CHD1: variants seen among roughly 807,000 people sequenced by gnomAD.
CHD1 encodes ATP-dependent chromatin remodeler CHD1.
A neutral mutation model predicts 224.2 loss-of-function variants in CHD1; 36 were observed. That is an observed-to-expected ratio of 0.16 (90% CI 0.12 to 0.21). The LOEUF is 0.21. Among genes scored for constraint, CHD1 ranks in the 10% least tolerant of loss-of-function variants. The pLI is 1.00. For missense variants in CHD1, 1,378 were observed against 1,994.8 expected (o/e 0.69, Z 5.89); for synonymous variants, 668 against 658.3 (o/e 1.01, Z -0.23).
At chr5:98,874,583 G>T (rs375742472) in intron 25 of CHD1, among the ~76,000 whole-genome samples, 1 of 149,844 alleles carries the variant, frequency 6.7e-6, no homozygotes, top group Non-Finnish European at 1.5e-5. Flanking sequence ...GTGGTGGCAT[G>T]CGCCTGTAGT....
intron 15 of CHD1, among the ~76,000 whole-genome samples, chr5:98,892,258 C>T (rs1751070405): frequency 6.6e-6 from 1 of 152,104 alleles, no homozygotes; most frequent in Non-Finnish European, 1.5e-5. Context: ...CACTTAAACT[C>T]TTTATAAGAT....
rs575119258 is a variant in CHD1, at chr5:98,908,823, T to A, written c.54-3725A>T. 6.0e-4 allele frequency among the ~76,000 whole-genome samples: 84 copies of A among 140,136 alleles called. 1 individual carries two copies. Among genetic ancestry groups the A allele is most frequent in the South Asian group, 1.8e-3 (8 of 4,352 alleles). 91.9% of individuals were successfully genotyped at this position (140,136 alleles called of 152,430 possible). A position where few individuals can be genotyped will look rare whatever the true frequency, so the allele number is the denominator to read the frequency against. Reference sequence around the variant, plus strand: ...CGGAATAAATAAATAAATAAACCCATTGAATTCTTTTCCTCAATTCACGAA... The same window carrying A: ...CGGAATAAATAAATAAATAAACCCAATGAATTCTTTTCCTCAATTCACGAA... On this transcript the variant is annotated intron_variant, in intron 2 of 35. Coordinates refer to ENST00000614616, the MANE Select transcript of CHD1 (RefSeq NM_001270.4).
At chr5:98,893,389 A>G (rs1174123380) in intron 14 of CHD1, 27 bp downstream of exon 14, 1 of 1,504,308 alleles carries the variant, frequency 6.6e-7, no homozygotes, top group South Asian at 1.2e-5. Flanking sequence ...TCCACACAAT[A>G]TGATTAAAAT....
Position 98,898,302 on chromosome 5 carries a change from T to C in CHD1, c.1319A>G (p.Tyr440Cys), listed in dbSNP as rs1481522583. ...SKKFQACIDE[Y>C]FSRNQSKTTP... ...GGTTTTTGATTGGTTCCTGCTAAAA[T>C]ACTCATCAATGCATGCTTGAAACTT... is the stretch of plus-strand genomic sequence containing the variant. Residue 440 changes from tyrosine (Y) to cysteine (C), a missense_variant, in exon 10 of 36, where the codon TAT (tyrosine) becomes TGT (cysteine). Around this residue, in one of 16 missense-constraint regions of CHD1, gnomAD observed 86 missense variants for 97.7 expected, o/e 0.88. Transcript: ENST00000614616. The C allele has an allele frequency of 1.3e-6, 2 of 1,585,372 alleles. No homozygotes were observed. The highest frequency in any genetic ancestry group is 1.7e-6 in the Non-Finnish European group (2 of 1,166,822).
Position 98,879,950 on chromosome 5 carries a change from T to G in CHD1, c.3061-222A>C, listed in dbSNP as rs568705509. Among the ~76,000 whole-genome samples the G allele has an allele frequency of 3.9e-5, 6 of 152,336 alleles. No individual in the cohort carries two copies. In the South Asian group the frequency reaches 1.0e-3, roughly 26 times the overall value. The stretch of plus-strand genomic sequence containing the variant: ...CTCTAGGAATGATTTTATTTTGCCC[T>G]ACTGCTCAACAAAATTAGTAGCATC... On this transcript the variant is annotated intron_variant, in intron 22 of 35. Transcript: ENST00000614616.
Position 98,903,798 on chromosome 5 carries a change from T to G in CHD1, c.366A>C (p.Ser122=), listed in dbSNP as rs1015948367. The G allele has an allele frequency of 6.2e-7, 1 of 1,610,230 alleles. No homozygotes were observed. The highest frequency in any genetic ancestry group is 1.3e-5 in the African/African-American group (1 of 74,956). Residue 122 remains serine (S), a synonymous_variant, in exon 4 of 36, where the codon TCA becomes TCC. Transcript: ENST00000614616. The stretch of plus-strand genomic sequence containing the variant: ...GCTCATGATGAAAATGCACCTCTTC[T>G]GATCCGCTATTAGATGAGGCTTGAT... ...QQHQASSNSG[S]EEDSSSSEDS... is the part of the protein sequence containing the mutation.
In CHD1 at chr5:98,875,125, T is replaced by C; in HGVS notation, c.3399-12A>G. 6.8e-7 allele frequency: 1 copy of C among 1,480,350 alleles called. No homozygotes were observed. Among genetic ancestry groups the C allele is most frequent in the Non-Finnish European group, 9.4e-7 (1 of 1,069,110 alleles). The allele number at this position is 1,480,350 out of a possible 1,614,324, so 91.7% of individuals were successfully genotyped here. On this transcript the variant is annotated splice_polypyrimidine_tract_variant and intron_variant, in intron 24 of 35. Coordinates refer to ENST00000614616, the MANE Select transcript of CHD1 (RefSeq NM_001270.4). ...AGCTCTTGATAAACCTAAGAGAAAATAATTGTTTGGTAAATGTGAGCTTCA... is the reference window on the plus strand; with the variant it reads ...AGCTCTTGATAAACCTAAGAGAAAACAATTGTTTGGTAAATGTGAGCTTCA...
At chr5:98,873,280 T>C (rs1749498781) in intron 26 of CHD1, among the ~76,000 whole-genome samples, 1 of 152,182 alleles carries the variant, frequency 6.6e-6, no homozygotes, top group Admixed American at 6.5e-5. Context: ...CTATAGATAC[T>C]ATACATATTG....
chr5:98,889,054 A>G, intron 16 of CHD1, 22 bp downstream of exon 16: 2 of 1,499,758 alleles, frequency 1.3e-6, no homozygotes, highest in Non-Finnish European at 1.8e-6. Context: ...ATCACAAAGA[A>G]ACAACATTTA....
At chr5:98,871,519 G>A (rs1197697184) in intron 28 of CHD1, among the ~76,000 whole-genome samples, 1 of 151,200 alleles carries the variant, frequency 6.6e-6, no homozygotes, top group African/African-American at 2.4e-5. Context: ...AATTAATGAT[G>A]AATGGGTACA....
chr5:98,893,344 CT>C, intron 14 of CHD1, 71 bp downstream of exon 14: 1 of 1,028,360 alleles, frequency 9.7e-7, no homozygotes, highest in East Asian at 2.7e-5. Context: ...TCTTACTGAC[CT>C]TATTACCTGG....
intron 2 of CHD1, among the ~76,000 whole-genome samples, chr5:98,913,333 G>A (rs1326781721): frequency 1.3e-5 from 2 of 152,144 alleles, no homozygotes; most frequent in Non-Finnish European, 2.9e-5. Flanking sequence ...ACTTAGCTGG[G>A]GGAGGTGGCA....
At position 98,879,629 on chromosome 5, in the gene CHD1, G is replaced by A; in HGVS notation, c.3160C>T (p.Arg1054Ter). The A allele has an allele frequency of 6.2e-7, 1 of 1,605,684 alleles. No individual in the cohort carries two copies. ...TTTTGTCTTTCTTCTTCTTCTAATC[G>A]TCTTCTTTGATCTTCTGGAATAATT... ...EEIIPEDQRR[R>*]LEEEERQKEL... Residue 1054 changes from arginine to a stop codon, truncating the protein, a stop_gained, in exon 23 of 36, where the codon CGA (arginine) becomes TGA (stop). Coordinates refer to ENST00000614616, the MANE Select transcript of CHD1 (RefSeq NM_001270.4). LOFTEE classifies it high-confidence loss of function.
intron 34 of CHD1, 59 bp from the exon 35 acceptor site, chr5:98,858,449 T>TA: frequency 7.3e-7 from 1 of 1,367,052 alleles, no homozygotes; most frequent in Non-Finnish European, 1.0e-6. Flanking sequence ...AAAAAAAACT[T>TA]AGTTGATAGA....
chr5:98,921,609 C>T (rs1391340573), intron 2 of CHD1, among the ~76,000 whole-genome samples: 1 of 152,124 alleles, frequency 6.6e-6, no homozygotes, highest in Non-Finnish European at 1.5e-5. Context: ...AACATTTTCT[C>T]CATTCATCAT....
At chr5:98,918,502 G>C (rs1182454621) in intron 2 of CHD1, among the ~76,000 whole-genome samples, 2 of 150,780 alleles carry the variant, frequency 1.3e-5, no homozygotes, top group African/African-American at 4.9e-5. Context: ...GGGCGCGGGA[G>C]CTCACACCTG....
intron 13 of CHD1, 76 bp from the exon 14 acceptor site, chr5:98,893,682 AATT>A (rs1196299766): frequency 4.6e-6 from 4 of 862,616 alleles, no homozygotes; most frequent in Non-Finnish European, 7.2e-6. Context: ...ATCTGAACTC[AATT>A]ATTAAAATGA....
At chr5:98,867,222 T>C (rs1230035967) in intron 31 of CHD1, among the ~76,000 whole-genome samples, 1 of 152,172 alleles carries the variant, frequency 6.6e-6, no homozygotes, top group Non-Finnish European at 1.5e-5. Flanking sequence ...ATAAGGTCTT[T>C]AGAATAAAGG....
At chr5:98,892,487 A>T (rs776668304) in intron 15 of CHD1, 38 bp downstream of exon 15, 2 of 1,480,882 alleles carry the variant, frequency 1.4e-6, no homozygotes, top group Non-Finnish European at 1.8e-6. Flanking sequence ...AGGTTTTCAG[A>T]ATTAGAAGTT....
Sources: gnomAD v4.1 joint callset for allele counts (sites outside exome capture counted in the v4.1 genomes callset) on GRCh38, gnomAD v4.1.1 for gene constraint, gnomAD v4.1.1 regional missense constraint, MANE v1.5 for transcripts, NCBI Gene and HGNC (gene_info 2026-07-23, HGNC 2026-07-21) for gene names.